TEK: variants seen among roughly 807,000 people sequenced by gnomAD.
The protein encoded by TEK is angiopoietin-1 receptor.
Under a neutral mutation model 131.8 loss-of-function variants are expected in TEK, and 43 were observed. That is an observed-to-expected ratio of 0.33 (90% CI 0.26 to 0.42). The LOEUF (loss-of-function observed/expected upper bound fraction) is 0.42, where lower values mean the gene tolerates loss of function less well. TEK is among the 10% of genes least tolerant of loss of function. The pLI is 1.00. For missense variants in TEK, 1,162 were observed against 1,384.4 expected (o/e 0.84, Z 2.55); for synonymous variants, 580 against 491.6 (o/e 1.18, Z -2.38).
At chr9:27,172,129 C>T (rs1823980795) in intron 4 of TEK, among the ~76,000 whole-genome samples, 1 of 152,164 alleles carries the variant, frequency 6.6e-6, no homozygotes, top group African/African-American at 2.4e-5. Context: ...TTCAGTAGGT[C>T]GTGGTTGGGT....
chr9:27,196,274 C>G (rs1026994401), intron 11 of TEK, among the ~76,000 whole-genome samples: 3 of 152,100 alleles, frequency 2.0e-5, no homozygotes, highest in Non-Finnish European at 2.9e-5. Context: ...ATCTATTTTT[C>G]CACTGAATGG....
chr9:27,125,874 C>A (rs968900609), intron 1 of TEK, among the ~76,000 whole-genome samples: 2 of 152,146 alleles, frequency 1.3e-5, no homozygotes, highest in African/African-American at 4.8e-5. Flanking sequence ...CATCTCATTT[C>A]TTTCCAACTC....
intron 1 of TEK, among the ~76,000 whole-genome samples, chr9:27,151,718 G>A (rs928348408): frequency 6.6e-6 from 1 of 152,114 alleles, no homozygotes; most frequent in Non-Finnish European, 1.5e-5. Context: ...GCTACGAGAC[G>A]GTTGTATATT....
intron 1 of TEK, among the ~76,000 whole-genome samples, chr9:27,156,997 G>C (rs504947): frequency 0.13 from 20,398 of 152,122 alleles, 1,805 homozygotes; most frequent in South Asian, 0.31. Flanking sequence ...GGGTGGGGAG[G>C]GGAGAGAGAG....
chr9:27,138,789 A>G (rs1414337185), intron 1 of TEK, among the ~76,000 whole-genome samples: 1 of 152,216 alleles, frequency 6.6e-6, no homozygotes, highest in Non-Finnish European at 1.5e-5. Context: ...TATGCGTGTT[A>G]CTAGAGTGGA....
rs10812532 is a variant in TEK, at chr9:27,197,284, T to G, written c.1625-31T>G. ...TAATCCAAACTATATCAGCCATATA[T>G]AAAAATAATGATTTTTCTGGATTCT... On this transcript the variant is annotated intron_variant, in intron 11 of 22. Transcript: ENST00000380036. 0.099 allele frequency: 159,358 copies of G among 1,610,082 alleles called. 8,429 individuals are homozygous for G. The highest frequency in any genetic ancestry group is 0.13 in the South Asian group (11,817 of 90,858).
rs150976742 is a variant in TEK, at chr9:27,156,531, A to T, written c.53-1300A>T. 2.5e-3 allele frequency among the ~76,000 whole-genome samples: 385 copies of T among 152,164 alleles called. 4 individuals are homozygous for T. In the Middle Eastern group the frequency reaches 0.034, roughly 13 times the overall value. On this transcript the variant is annotated intron_variant, in intron 1 of 22. Transcript: ENST00000380036. ...GGCCATGCCAAGAGTGGAGAAAAAC[A>T]TTCCAGGCAGAAGGAACAGCAAAGG...
chr9:27,111,564 A>T (rs1447336014), intron 1 of TEK, among the ~76,000 whole-genome samples: 1 of 149,472 alleles, frequency 6.7e-6, no homozygotes, highest in Admixed American at 6.7e-5. Flanking sequence ...TTTTTTAGTG[A>T]AGGTGGCTCT....
chr9:27,141,863 A>G (rs886419490), intron 1 of TEK, among the ~76,000 whole-genome samples: 3 of 152,264 alleles, frequency 2.0e-5, no homozygotes, highest in African/African-American at 7.2e-5. Flanking sequence ...AGAAACAGGT[A>G]TAATGGGTTT....
At position 27,197,559 on chromosome 9, in the gene TEK, G is replaced by A. The variant is rs55979986; in HGVS notation, c.1869G>A (p.Gly623=). 9.5e-4 allele frequency: 1,535 copies of A among 1,614,036 alleles called. 26 individuals are homozygous for A. The East Asian group carries it at 0.029, about 31-fold the overall frequency. ...CTAGAGTCAACACCAAGGCCCAGGGGGAATGGAGTGAAGATCTCACTGCTT... is the reference window on the plus strand; with the variant it reads ...CTAGAGTCAACACCAAGGCCCAGGGAGAATGGAGTGAAGATCTCACTGCTT... ...VRARVNTKAQ[G]EWSEDLTAWT... is the part of the protein sequence containing the mutation. The change falls in exon 12 of 23, where the codon GGG becomes GGA. Residue 623 remains glycine, a synonymous_variant. Coordinates refer to ENST00000380036, the MANE Select transcript of TEK (RefSeq NM_000459.5).
intron 22 of TEK, 68 bp from the exon 23 acceptor site, chr9:27,229,090 C>T (rs2131267597): frequency 1.4e-6 from 2 of 1,438,442 alleles, no homozygotes; most frequent in South Asian, 1.1e-5. Context: ...CAAGGTATTG[C>T]TGTAACTGCC....
At position 27,212,816 on chromosome 9, in the gene TEK, C is replaced by G. The variant is rs770991197; in HGVS notation, c.2796C>G (p.Thr932=). ...TDPAFAIANS[T]ASTLSSQQLL... Reference sequence around the variant, plus strand: ...CAGCATTTGCCATTGCCAATAGCACCGCGTCCACACTGTCCTCCCAGCAGC... The same window carrying G: ...CAGCATTTGCCATTGCCAATAGCACGGCGTCCACACTGTCCTCCCAGCAGC... The change falls in exon 17 of 23, where the codon ACC becomes ACG. Residue 932 remains threonine, a synonymous_variant. Coordinates refer to ENST00000380036, the MANE Select transcript of TEK (RefSeq NM_000459.5). 4 of 1,614,020 alleles carry G rather than the reference C, an allele frequency of 2.5e-6. No individual in the cohort carries two copies. The highest frequency in any genetic ancestry group is 2.2e-5 in the East Asian group (1 of 44,852).
intron 6 of TEK, among the ~76,000 whole-genome samples, chr9:27,177,851 T>G (rs955456890): frequency 6.6e-6 from 1 of 152,220 alleles, no homozygotes; most frequent in Non-Finnish European, 1.5e-5. Flanking sequence ...TCCTTATATA[T>G]TCTGGATATT....
chr9:27,229,607 C>A lies in TEK; in HGVS notation c.*375C>A. 3.8e-6 allele frequency: 1 copy of A among 261,128 alleles called. No individual in the cohort carries two copies. The highest frequency in any genetic ancestry group is 5.3e-5 in the South Asian group (1 of 18,990). The allele number at this position is 261,128 out of a possible 1,614,324, so 16.2% of individuals were successfully genotyped here. On this transcript the variant is annotated 3_prime_UTR_variant, in exon 23 of 23. Transcript: ENST00000380036. The stretch of plus-strand genomic sequence containing the variant: ...ATGTTGAATGCTATTAAATGTTTTC[C>A]TGTGTCAAAGTAAAATATTGTTAAT...
At chr9:27,173,736 G>GTTTTTTTTTTTTT (rs1564076198) in intron 6 of TEK, among the ~76,000 whole-genome samples, 1 of 79,584 alleles carries the variant, frequency 1.3e-5, no homozygotes, top group Non-Finnish European at 2.6e-5. Flanking sequence ...TTTTTTTTTT[G>GTTTTTTTTTTTTT]GTTTTTTTTT....
chr9:27,219,919 G>C, intron 20 of TEK, 130 bp from the exon 21 acceptor site: 1 of 891,238 alleles, frequency 1.1e-6, no homozygotes, highest in Non-Finnish European at 1.9e-6. Context: ...GCCAAGGGAG[G>C]CATGCAGGAT....
intron 1 of TEK, among the ~76,000 whole-genome samples, chr9:27,147,997 T>A (rs916655870): frequency 1.3e-5 from 2 of 152,244 alleles, no homozygotes. Flanking sequence ...ATAGTCTCCT[T>A]TTCTGTTAAA....
chr9:27,207,401 C>G (rs1825436452), intron 15 of TEK, among the ~76,000 whole-genome samples: 1 of 152,220 alleles, frequency 6.6e-6, no homozygotes, highest in African/African-American at 2.4e-5. Flanking sequence ...GTGGCTTTCT[C>G]AATGGTTCCT....
intron 16 of TEK, among the ~76,000 whole-genome samples, chr9:27,212,149 G>A (rs1211678814): frequency 6.6e-6 from 1 of 152,186 alleles, no homozygotes; most frequent in Non-Finnish European, 1.5e-5. Flanking sequence ...CTGGTGGCCA[G>A]AGACCCAATC....
Sources: allele counts gnomAD v4.1 joint callset (sites outside exome capture counted in the v4.1 genomes callset), GRCh38; gene constraint gnomAD v4.1.1; transcripts MANE v1.5; gene names NCBI Gene and HGNC (gene_info 2026-07-23, HGNC 2026-07-21).